F13A1: variants seen among roughly 807,000 people sequenced by gnomAD.
F13A1 encodes coagulation factor XIII A chain, also known as FSF, A subunit.
Under a neutral mutation model 80.1 loss-of-function variants are expected in F13A1, and 47 were observed. The observed-to-expected ratio is 0.59, with a 90% CI of 0.46 to 0.75. The LOEUF (loss-of-function observed/expected upper bound fraction) is 0.75, where lower values mean the gene tolerates loss of function less well. Among genes scored for constraint, F13A1 ranks in the 30% least tolerant of loss-of-function variants. The pLI, the probability that F13A1 is intolerant of heterozygous loss-of-function variation, is 0.00. For synonymous variants in F13A1, 349 were observed against 344.9 expected, an observed-to-expected ratio of 1.01 and a Z score of -0.13; for missense variants, 817 against 930.4, an observed-to-expected ratio of 0.88 and a Z score of 1.59.
intron 10 of F13A1, among the ~76,000 whole-genome samples, chr6:6,193,600 G>C (rs576262374): frequency 2.6e-5 from 4 of 152,328 alleles, no homozygotes; most frequent in African/African-American, 9.6e-5. Context: ...CCTCTGCAGT[G>C]GGTGAGAAAG....
At chr6:6,239,217 G>A (rs528107983) in intron 6 of F13A1, among the ~76,000 whole-genome samples, 1 of 152,252 alleles carries the variant, frequency 6.6e-6, no homozygotes, top group African/African-American at 2.4e-5. Context: ...TGGAGTAAGA[G>A]AAGCCAGCCC....
At chr6:6,277,335 CAAAAAA>C (rs1160750080) in intron 3 of F13A1, among the ~76,000 whole-genome samples, 1 of 414 alleles carries the variant, frequency 2.4e-3, no homozygotes, top group African/African-American at 0.031. Flanking sequence ...GACTCCGTCT[CAAAAAA>C]AAAAAAAAAA....
chr6:6,199,823 C>T (rs1482698772), intron 8 of F13A1, among the ~76,000 whole-genome samples: 1 of 152,062 alleles, frequency 6.6e-6, no homozygotes, highest in Non-Finnish European at 1.5e-5. Context: ...CCCGGCTGTC[C>T]CCCACCCCTG....
At chr6:6,291,801 C>A (rs1758227588) in intron 3 of F13A1, among the ~76,000 whole-genome samples, 1 of 152,122 alleles carries the variant, frequency 6.6e-6, no homozygotes, top group Non-Finnish European at 1.5e-5. Context: ...CTTGATTTAC[C>A]TTTTTCTGAG....
At position 6,230,585 on chromosome 6, in the gene F13A1, A is replaced by G. The variant is rs537024551; in HGVS notation, c.799-5725T>C. 2.8e-4 allele frequency among the ~76,000 whole-genome samples: 42 copies of G among 152,174 alleles called. No individual in the cohort carries two copies. In the South Asian group the frequency reaches 8.1e-3, roughly 29 times the overall value. On this transcript the variant is annotated intron_variant, in intron 6 of 14. Coordinates refer to ENST00000264870, the MANE Select transcript of F13A1 (RefSeq NM_000129.4). ...CCCACCACTGGTTCCTCCCCATACT[A>G]CCACAGCTACTGCTCTCTGGAAAGC...
intron 14 of F13A1, among the ~76,000 whole-genome samples, chr6:6,149,906 T>C (rs1297411206): frequency 6.6e-6 from 1 of 152,222 alleles, no homozygotes; most frequent in East Asian, 1.9e-4. Context: ...TTCACTCCAC[T>C]TTGCTCCACT....
intron 13 of F13A1, among the ~76,000 whole-genome samples, chr6:6,152,535 T>A (rs79073345): frequency 0.022 from 3,367 of 152,172 alleles, 50 homozygotes; most frequent in Middle Eastern, 0.048. Flanking sequence ...TGTTGGTGAG[T>A]TGATCTATTA....
At chr6:6,190,263 G>T (rs1761161719) in intron 10 of F13A1, among the ~76,000 whole-genome samples, 1 of 152,206 alleles carries the variant, frequency 6.6e-6, no homozygotes, top group African/African-American at 2.4e-5. Flanking sequence ...TCCTTTGCTG[G>T]TGAGGAACTG....
chr6:6,197,198 TC>T, intron 9 of F13A1, 24 bp downstream of exon 9: 3 of 1,607,646 alleles, frequency 1.9e-6, no homozygotes, highest in Non-Finnish European at 2.6e-6. Context: ...TGAAGCAAGT[TC>T]CCAGAGGGAG....
chr6:6,199,345 C>T lies in F13A1; in HGVS notation c.1113-2019G>A, dbSNP rs191274588. Among the ~76,000 whole-genome samples, 883 of 152,168 alleles carry T rather than the reference C, an allele frequency of 5.8e-3. 10 individuals carry two copies. Among genetic ancestry groups the T allele is most frequent in the African/African-American group, 0.02 (812 of 41,504 alleles). On this transcript the variant is annotated intron_variant, in intron 8 of 14. Transcript: ENST00000264870. ...TCTACTAAAAATACAAAAAAATTAG[C>T]TGGGCGTGGTGGCGGGCACCTGTAG... is the stretch of plus-strand genomic sequence containing the variant.
intron 6 of F13A1, among the ~76,000 whole-genome samples, chr6:6,247,701 C>T (rs1482337173): frequency 3.9e-5 from 6 of 152,146 alleles, no homozygotes; most frequent in South Asian, 2.1e-4. Flanking sequence ...GTCAGCAGAC[C>T]GGAGTTCTAG....
chr6:6,150,774 T>C (rs1223803533), intron 14 of F13A1, among the ~76,000 whole-genome samples: 4 of 152,082 alleles, frequency 2.6e-5, no homozygotes, highest in Admixed American at 2.6e-4. Context: ...GAAATGAAAG[T>C]AATAAACCTC....
intron 11 of F13A1, among the ~76,000 whole-genome samples, chr6:6,177,638 T>C (rs970039450): frequency 2.6e-5 from 4 of 152,234 alleles, no homozygotes; most frequent in African/African-American, 9.6e-5. Context: ...CCAGTAACCA[T>C]TCATTCAAAT....
chr6:6,206,804 A>T lies in F13A1; in HGVS notation c.1113-9478T>A, dbSNP rs112573703. Among the ~76,000 whole-genome samples the T allele has an allele frequency of 5.8e-3, 881 of 151,400 alleles. 5 individuals carry two copies. Among genetic ancestry groups the T allele is most frequent in the African/African-American group, 0.021 (846 of 41,140 alleles). ...ATGGGAGAAATGGAGAAATAAAAGG[A>T]TATACATACAATAATATGTGTTTCA... On this transcript the variant is annotated intron_variant, in intron 8 of 14. Transcript: ENST00000264870.
chr6:6,236,515 C>T (rs1198211663), intron 6 of F13A1, among the ~76,000 whole-genome samples: 1 of 151,962 alleles, frequency 6.6e-6, no homozygotes, highest in Non-Finnish European at 1.5e-5. Context: ...AGAAATGTGA[C>T]ATTTCTTGAT....
chr6:6,151,661 T>G (rs1036292615), intron 14 of F13A1, 152 bp downstream of exon 14: 1 of 1,032,338 alleles, frequency 9.7e-7, no homozygotes. Flanking sequence ...ACCCTAGTTT[T>G]ACTCCACGCC....
chr6:6,174,192 T>G (rs1278271886), intron 12 of F13A1, among the ~76,000 whole-genome samples: 2 of 151,870 alleles, frequency 1.3e-5, no homozygotes, highest in Non-Finnish European at 2.9e-5. Context: ...GAGTTTGAGA[T>G]CAGCCTGGCC....
At chr6:6,248,661 G>C (rs1382558883) in intron 5 of F13A1, among the ~76,000 whole-genome samples, 1 of 152,160 alleles carries the variant, frequency 6.6e-6, no homozygotes, top group African/African-American at 2.4e-5. Context: ...AAATACTAGA[G>C]AGTTGATATA....
chr6:6,265,121 A>T (rs1757826605), intron 4 of F13A1, among the ~76,000 whole-genome samples: 1 of 152,218 alleles, frequency 6.6e-6, no homozygotes, highest in Non-Finnish European at 1.5e-5. Context: ...ATATAAATAT[A>T]AAACAAAGAA....
Sources: gnomAD v4.1 joint callset for allele counts (sites outside exome capture counted in the v4.1 genomes callset) on GRCh38, gnomAD v4.1.1 for gene constraint, MANE v1.5 for transcripts, NCBI Gene and HGNC (gene_info 2026-07-23, HGNC 2026-07-21) for gene names.